The following POLI variants were observed in gnomAD, a reference collection of about 807,000 sequenced individuals.
The protein encoded by POLI is RAD30 homolog B.
In POLI, 58 loss-of-function variants were observed where a neutral mutation model predicts 51.6. That is an observed-to-expected ratio of 1.12 (90% CI 0.91 to 1.40). POLI has a LOEUF of 1.40. Among genes scored for constraint, POLI ranks in the 40% most tolerant of loss-of-function variants. POLI has a pLI of 0.00. For synonymous variants in POLI, 322 were observed against 299.7 expected (o/e 1.07, Z -0.77); for missense variants, 921 against 871.3 (o/e 1.06, Z -0.72).
At chr18:54,316,518 A>G (rs188945649) in intron 3 of POLI, among the ~76,000 whole-genome samples, 38 of 152,306 alleles carry the variant, frequency 2.5e-4, no homozygotes, top group Admixed American at 2.2e-3. Flanking sequence ...ATGATGTAAC[A>G]TATTCTTTTT....
In POLI at chr18:54,294,359, T is replaced by A; in HGVS notation, c.2115T>A (p.Pro705=). 6.2e-7 allele frequency: 1 copy of A among 1,613,608 alleles called. No homozygotes were observed. The highest frequency in any genetic ancestry group is 8.5e-7 in the Non-Finnish European group (1 of 1,179,668). ...CTGTTGATGAGAAAATTACTTTCCC[T>A]TCTGACATTGATCCTCAAGTTTTCT... ...PDSVDEKITF[P]SDIDPQVFYE... is the part of the protein sequence containing the mutation. The change falls in exon 10 of 10, where the codon CCT becomes CCA. Residue 705 remains proline (P), a synonymous_variant. Transcript: ENST00000579534.
intron 1 of POLI, chr18:54,269,985 C>G: frequency 2.7e-6 from 3 of 1,092,226 alleles, no homozygotes; most frequent in Non-Finnish European, 3.3e-6. Flanking sequence ...GCTTCTGGGC[C>G]TTTTAACTTT....
At chr18:54,299,204 G>A (rs1303870974), downstream of POLI, among the ~76,000 whole-genome samples, 1 of 152,130 alleles carries the variant, frequency 6.6e-6, no homozygotes, top group African/African-American at 2.4e-5. Context: ...GGAGGCCGAG[G>A]CTGGTGGATT....
At chr18:54,274,315 T>C (rs2087142906) in intron 3 of POLI, among the ~76,000 whole-genome samples, 1 of 152,186 alleles carries the variant, frequency 6.6e-6, no homozygotes, top group African/African-American at 2.4e-5. Context: ...TTAACTCTTA[T>C]TATTGATGTT....
chr18:54,289,075 A>G (rs954315042), intron 8 of POLI, among the ~76,000 whole-genome samples: 4 of 151,108 alleles, frequency 2.6e-5, no homozygotes, highest in African/African-American at 9.7e-5. Context: ...TGGATTTACA[A>G]TTTTTTCTTG....
rs906349250 is a variant in POLI at position 54,297,861 on chromosome 18, A to G, written c.*3394A>G. On this transcript the variant is annotated 3_prime_UTR_variant, in exon 10 of 10. Transcript: ENST00000579534. ...TCAATGTTTATTTTTTTGATGGGAC[A>G]TGGTGGGGGCTTACCTTTTTTCTTG... 35 of 980,580 alleles carry G rather than the reference A, an allele frequency of 3.6e-5. No individual in the cohort carries two copies. The highest frequency in any genetic ancestry group is 3.9e-5 in the Non-Finnish European group (32 of 826,156). 60.7% of individuals were successfully genotyped at this position (980,580 alleles called of 1,614,324 possible).
chr18:54,308,019 G>A (rs1333314801), intron 3 of POLI, among the ~76,000 whole-genome samples: 1 of 152,004 alleles, frequency 6.6e-6, no homozygotes, highest in East Asian at 1.9e-4. Flanking sequence ...ACACCAATGG[G>A]TCTTGACTCT....
intron 2 of POLI, among the ~76,000 whole-genome samples, chr18:54,271,848 G>A (rs535659678): frequency 2.2e-4 from 34 of 152,208 alleles, no homozygotes; most frequent in African/African-American, 7.5e-4. Context: ...GGAAGTGTTC[G>A]TCTGTCCTCC....
chr18:54,275,796 T>C (rs979862031), intron 3 of POLI, among the ~76,000 whole-genome samples: 19 of 152,244 alleles, frequency 1.2e-4, no homozygotes, highest in African/African-American at 4.3e-4. Context: ...ACTAAGTACC[T>C]AGTACTTTTT....
chr18:54,269,878 A>G (rs1248013538), intron 1 of POLI: 3 of 1,290,392 alleles, frequency 2.3e-6, no homozygotes, highest in South Asian at 2.5e-5. Context: ...CGTCCACACT[A>G]CAAATACGTG....
At chr18:54,288,176 A>C (rs1049134098) in intron 8 of POLI, among the ~76,000 whole-genome samples, 4 of 152,166 alleles carry the variant, frequency 2.6e-5, no homozygotes, top group African/African-American at 7.2e-5. Context: ...CCAGTTTTTC[A>C]TATTTTCGCC....
chr18:54,277,588 G>C, intron 3 of POLI, 115 bp from the exon 4 acceptor site: 1 of 606,914 alleles, frequency 1.6e-6, no homozygotes, highest in South Asian at 2.7e-5. Flanking sequence ...ATGGAACTAT[G>C]AATGTATATA....
rs779627983 is a variant in POLI at position 54,292,018 on chromosome 18, C to T, written c.1384C>T (p.Arg462Cys). 1.1e-5 allele frequency: 17 copies of T among 1,604,758 alleles called. No individual in the cohort carries two copies. The highest frequency in any genetic ancestry group is 2.0e-4 in the Middle Eastern group (1 of 5,102). ...AATGCCATCATTATCAACTACTTCACGCTCTGGCAAGCACAGTTTTGTAAG... is the reference window on the plus strand; with the variant it reads ...AATGCCATCATTATCAACTACTTCATGCTCTGGCAAGCACAGTTTTGTAAG... ...YLMPSLSTTS[R>C]SGKHSFKMKD... is the part of the protein sequence containing the mutation. Residue 462 changes from arginine to cysteine, a missense_variant, in exon 9 of 10, where the codon CGC becomes TGC. By Grantham distance (180) the Arg-to-Cys change is radical (BLOSUM62 -3). Coordinates refer to ENST00000579534, the MANE Select transcript of POLI (RefSeq NM_007195.3).
At position 54,295,126 on chromosome 18, in the gene POLI, C is replaced by G. The variant is rs2088253449; in HGVS notation, c.*659C>G. The G allele has an allele frequency of 1.0e-6, 1 of 985,160 alleles. No individual in the cohort carries two copies. The highest frequency in any genetic ancestry group is 6.2e-5 in the Admixed American group (1 of 16,240). 61.0% of individuals were successfully genotyped at this position (985,160 alleles called of 1,614,324 possible). ...AGAGGAGGGTATATGTTATAGAGAA[C>G]AGTGGTAGAAGGAACTCTCCGTGCA... is the stretch of plus-strand genomic sequence containing the variant. On this transcript the variant is annotated 3_prime_UTR_variant, in exon 10 of 10. Transcript: ENST00000579534.
At chr18:54,279,857 T>A (rs534965962) in intron 4 of POLI, among the ~76,000 whole-genome samples, 44 of 152,366 alleles carry the variant, frequency 2.9e-4, no homozygotes, top group African/African-American at 9.9e-4. Flanking sequence ...AGTGCGTGGT[T>A]AAGATTTAGA....
intron 2 of POLI, among the ~76,000 whole-genome samples, chr18:54,272,399 G>A (rs529231561): frequency 3.3e-5 from 5 of 152,284 alleles, no homozygotes; most frequent in African/African-American, 1.2e-4. Flanking sequence ...AAGTACGAAT[G>A]AATGATTATT....
Position 54,295,423 on chromosome 18 carries a change from G to C in POLI, c.*956G>C, listed in dbSNP as rs1037087565. Reference sequence around the variant, plus strand: ...AACTAAAAATTGGATATAAGATTGAGAATGTATTATATAATTTGCAAGACA... The same window carrying C: ...AACTAAAAATTGGATATAAGATTGACAATGTATTATATAATTTGCAAGACA... On this transcript the variant is annotated 3_prime_UTR_variant, in exon 10 of 10. Transcript: ENST00000579534. The C allele has an allele frequency of 1.0e-6, 1 of 972,146 alleles. No homozygotes were observed. Among genetic ancestry groups the C allele is most frequent in the Non-Finnish European group, 1.2e-6 (1 of 817,898 alleles). The allele number at this position is 972,146 out of a possible 1,614,324, so 60.2% of individuals were successfully genotyped here. A position where few individuals can be genotyped will look rare whatever the true frequency, so the allele number is the denominator to read the frequency against.
intron 8 of POLI, 31 bp downstream of exon 8, chr18:54,287,442 GC>G: frequency 6.3e-7 from 1 of 1,585,520 alleles, no homozygotes; most frequent in Non-Finnish European, 8.6e-7. Flanking sequence ...AGTTTCATTA[GC>G]AGGTTGAACT....
At chr18:54,320,860 T>C (rs539304777) in intron 4 of POLI, among the ~76,000 whole-genome samples, 8 of 152,214 alleles carry the variant, frequency 5.3e-5, no homozygotes, top group Admixed American at 2.0e-4. Context: ...GCATGCAGTT[T>C]TGAAAAATAA....
Sources: allele counts gnomAD v4.1 joint callset (sites outside exome capture counted in the v4.1 genomes callset), GRCh38; gene constraint gnomAD v4.1.1; transcripts MANE v1.5; gene names NCBI Gene and HGNC (gene_info 2026-07-23, HGNC 2026-07-21).